Variants in FOXO1 observed in about 807,000 individuals in gnomAD.
The protein encoded by FOXO1 is forkhead box protein O1.
FOXO1 carries 6 observed loss-of-function variants against 44.1 expected under a neutral mutation model. The ratio of observed to expected loss-of-function variants is 0.14; its 90% CI spans 0.07 to 0.27. FOXO1 has a LOEUF of 0.27. Ranked by LOEUF, FOXO1 falls within the 10% of genes least tolerant of loss-of-function variation. FOXO1 has a pLI of 1.00. For missense variants in FOXO1, 737 were observed against 888.8 expected (o/e 0.83, Z 2.17); for synonymous variants, 380 against 362.7 (o/e 1.05, Z -0.54).
chr13:40,615,394 G>A (rs915585229), intron 1 of FOXO1, among the ~76,000 whole-genome samples: 4 of 152,048 alleles, frequency 2.6e-5, no homozygotes, highest in African/African-American at 9.7e-5. Flanking sequence ...ATTTAACCGG[G>A]CATGGGGGTG....
At chr13:40,621,941 G>A (rs765528393) in intron 1 of FOXO1, among the ~76,000 whole-genome samples, 10 of 152,126 alleles carry the variant, frequency 6.6e-5, no homozygotes, top group Non-Finnish European at 1.0e-4. Context: ...CTAATACTGC[G>A]TATGGCACAA....
chr13:40,619,456 G>T, intron 1 of FOXO1: 1 of 1,244,778 alleles, frequency 8.0e-7, no homozygotes, highest in South Asian at 1.2e-5. Flanking sequence ...TTGGAGAGCT[G>T]TGAGTCGAAC....
At chr13:40,579,112 G>T (rs1874868278) in intron 1 of FOXO1, among the ~76,000 whole-genome samples, 1 of 152,204 alleles carries the variant, frequency 6.6e-6, no homozygotes, top group South Asian at 2.1e-4. Flanking sequence ...CCACAGAATT[G>T]TAATGGGTAT....
intron 1 of FOXO1, among the ~76,000 whole-genome samples, chr13:40,583,032 G>C (rs1875015745): frequency 6.6e-6 from 1 of 152,046 alleles, no homozygotes; most frequent in Non-Finnish European, 1.5e-5. Context: ...ATTATTTCTT[G>C]ACCCATGGGC....
rs569291864 is a variant in FOXO1, at chr13:40,558,662, A to C, written c.*387T>G. On this transcript the variant is annotated 3_prime_UTR_variant, in exon 3 of 3. Coordinates refer to ENST00000379561, the MANE Select transcript of FOXO1 (RefSeq NM_002015.4). ...TATAAACTTTCCTTGGACCAATTGG[A>C]TATTTAGAAAAACCAAAAACACACA... is the stretch of plus-strand genomic sequence containing the variant. 3 of 395,876 alleles carry C rather than the reference A, an allele frequency of 7.6e-6. No individual in the cohort carries two copies. Among genetic ancestry groups the C allele is most frequent in the African/African-American group, 6.2e-5 (3 of 48,714 alleles). 24.5% of individuals were successfully genotyped at this position (395,876 alleles called of 1,614,324 possible).
intron 1 of FOXO1, among the ~76,000 whole-genome samples, chr13:40,606,866 T>C (rs1200537975): frequency 6.6e-6 from 1 of 152,224 alleles, no homozygotes; most frequent in African/African-American, 2.4e-5. Context: ...ATCACATCCC[T>C]GACCCTGCTT....
chr13:40,648,667 G>A (rs1367487919), intron 1 of FOXO1, among the ~76,000 whole-genome samples: 1 of 152,090 alleles, frequency 6.6e-6, no homozygotes, highest in African/African-American at 2.4e-5. Context: ...AACAAAACAA[G>A]GGAATTCCAC....
intron 1 of FOXO1, among the ~76,000 whole-genome samples, chr13:40,610,486 A>C (rs1876190517): frequency 6.6e-6 from 1 of 152,160 alleles, no homozygotes; most frequent in African/African-American, 2.4e-5. Context: ...GTTCCTTATG[A>C]TTATGATTTT....
intron 1 of FOXO1, among the ~76,000 whole-genome samples, chr13:40,595,938 A>ATT (rs71080387): frequency 0.089 from 11,656 of 130,702 alleles, 753 homozygotes; most frequent in East Asian, 0.37. Context: ...ATGTCAGCTA[A>ATT]TTTTTTTTTT....
At chr13:40,663,379 G>A (rs1475018490) in intron 1 of FOXO1, among the ~76,000 whole-genome samples, 2 of 152,196 alleles carry the variant, frequency 1.3e-5, no homozygotes, top group Non-Finnish European at 2.9e-5. Flanking sequence ...AATGCCATTT[G>A]AGACGCAAAA....
At chr13:40,575,737 G>A (rs1874718653) in intron 1 of FOXO1, among the ~76,000 whole-genome samples, 1 of 152,168 alleles carries the variant, frequency 6.6e-6, no homozygotes, top group Admixed American at 6.5e-5. Context: ...TAGGCATTAA[G>A]GCTCAAGGCT....
At position 40,559,810 on chromosome 13, in the gene FOXO1, G is replaced by A. The variant is rs906022358; in HGVS notation, c.1681C>T (p.Pro561Ser). Residue 561 changes from proline to serine, a missense_variant, in exon 2 of 3, where the codon CCT becomes TCT. Coordinates refer to ENST00000379561, the MANE Select transcript of FOXO1 (RefSeq NM_002015.4). The stretch of plus-strand genomic sequence containing the variant: ...GGGTGGGGCAGAGGCACTTGTACAG[G>A]TGTCTTCACTTGGGTCAGGCGGTTC... ...GMNRLTQVKT[P>S]VQVPLPHPMQ... The A allele has an allele frequency of 5.0e-6, 8 of 1,614,060 alleles. No individual in the cohort carries two copies. Among genetic ancestry groups the A allele is most frequent in the African/African-American group, 1.3e-5 (1 of 75,050 alleles).
chr13:40,626,851 G>C (rs78495084), intron 1 of FOXO1, among the ~76,000 whole-genome samples: 1 of 152,180 alleles, frequency 6.6e-6, no homozygotes, highest in Non-Finnish European at 1.5e-5. Flanking sequence ...ACCCAAGGGT[G>C]ACTTTATTGG....
intron 1 of FOXO1, among the ~76,000 whole-genome samples, chr13:40,641,542 T>C (rs1877353884): frequency 6.6e-6 from 1 of 152,164 alleles, no homozygotes; most frequent in Non-Finnish European, 1.5e-5. Context: ...ATTCTGTTAA[T>C]TAACTGATTA....
intron 1 of FOXO1, among the ~76,000 whole-genome samples, chr13:40,635,399 A>C (rs1452108030): frequency 6.6e-6 from 1 of 152,202 alleles, no homozygotes; most frequent in South Asian, 2.1e-4. Flanking sequence ...AGAACACTTT[A>C]ACCCACGAAG....
chr13:40,576,751 C>T (rs971727591), intron 1 of FOXO1, among the ~76,000 whole-genome samples: 2 of 152,136 alleles, frequency 1.3e-5, no homozygotes, highest in Middle Eastern at 3.2e-3. Flanking sequence ...TTTTCATAGC[C>T]AAAGGAGGGC....
At chr13:40,620,892 G>T (rs777839032) in intron 1 of FOXO1, among the ~76,000 whole-genome samples, 1 of 145,062 alleles carries the variant, frequency 6.9e-6, no homozygotes, top group African/African-American at 2.6e-5. Context: ...ACCGTCTCCC[G>T]GGTTCAAGCT....
At chr13:40,665,396 C>T (rs1043392941) in intron 1 of FOXO1, among the ~76,000 whole-genome samples, 187 bp downstream of exon 1, 7 of 152,110 alleles carry the variant, frequency 4.6e-5, no homozygotes, top group Non-Finnish European at 5.9e-5. Flanking sequence ...GACTGGCGCG[C>T]ACGCACACCT....
At chr13:40,657,915 CAT>C (rs890157124) in intron 1 of FOXO1, among the ~76,000 whole-genome samples, 1 of 152,204 alleles carries the variant, frequency 6.6e-6, no homozygotes, top group Non-Finnish European at 1.5e-5. Context: ...ATTATTCTCA[CAT>C]GATACAGACT....
Sources: gnomAD v4.1 joint callset for allele counts (sites outside exome capture counted in the v4.1 genomes callset) on GRCh38, gnomAD v4.1.1 for gene constraint, MANE v1.5 for transcripts, NCBI Gene and HGNC (gene_info 2026-07-23, HGNC 2026-07-21) for gene names.